Variants in TBC1D14 observed in about 807,000 individuals in gnomAD.
TBC1D14 encodes TBC1 domain family, member 14.
A neutral mutation model predicts 79.0 loss-of-function variants in TBC1D14; 26 were observed. That is an observed-to-expected ratio of 0.33 (90% CI 0.24 to 0.46). The LOEUF (loss-of-function observed/expected upper bound fraction) is 0.46. TBC1D14 is among the 20% of genes least tolerant of loss of function. TBC1D14 has a pLI of 1.00. For synonymous variants in TBC1D14, 394 were observed against 349.9 expected, an observed-to-expected ratio of 1.13 and a Z score of -1.40; for missense variants, 769 against 887.6, an observed-to-expected ratio of 0.87 and a Z score of 1.70.
chr4:7,012,909 A>G (rs1283114822), intron 11 of TBC1D14, among the ~76,000 whole-genome samples: 5 of 152,252 alleles, frequency 3.3e-5, no homozygotes, highest in Non-Finnish European at 4.4e-5. Flanking sequence ...TTGGCACAGT[A>G]TATACTGGCC....
chr4:7,023,134 A>T (rs1490326774), intron 12 of TBC1D14, among the ~76,000 whole-genome samples: 2 of 152,172 alleles, frequency 1.3e-5, no homozygotes, highest in African/African-American at 2.4e-5. Context: ...GACGCCTGTA[A>T]TCCCAGCTAC....
chr4:6,918,377 G>A (rs950588459), intron 1 of TBC1D14, among the ~76,000 whole-genome samples: 2 of 152,162 alleles, frequency 1.3e-5, no homozygotes, highest in Non-Finnish European at 2.9e-5. Context: ...CAGCATTTGC[G>A]TTCTAACCCG....
At chr4:7,005,019 A>G in intron 8 of TBC1D14, 95 bp downstream of exon 8, 1 of 1,162,090 alleles carries the variant, frequency 8.6e-7, no homozygotes, top group Non-Finnish European at 1.3e-6. Context: ...ACTACAGTAG[A>G]GATTGTTGTG....
chr4:6,988,254 AAGCAAC>A (rs1718088675), intron 3 of TBC1D14, among the ~76,000 whole-genome samples: 1 of 152,266 alleles, frequency 6.6e-6, no homozygotes, highest in African/African-American at 2.4e-5. Context: ...CCTTTTCCAC[AAGCAAC>A]CCTCTTAGAG....
chr4:6,923,644 C>A lies in TBC1D14; in HGVS notation c.255C>A (p.His85Gln), dbSNP rs34768850. 3.2e-5 allele frequency: 51 copies of A among 1,613,800 alleles called. No individual in the cohort carries two copies. Among genetic ancestry groups the A allele is most frequent in the Non-Finnish European group, 4.2e-5 (50 of 1,180,032 alleles). The change falls in exon 2 of 14, where the codon CAC (histidine) becomes CAA (glutamine). Residue 85 changes from histidine to glutamine, a missense_variant. Physicochemically the swap from His to Gln is conservative, Grantham distance 24. This residue lies in a region of TBC1D14 where 402 missense variants were observed against 393.2 expected (regional missense o/e 1.02). Coordinates refer to ENST00000409757, the MANE Select transcript of TBC1D14 (RefSeq NM_020773.3). The stretch of plus-strand genomic sequence containing the variant: ...AGCCTGTACCCTGCAGCGCGGTCCA[C>A]GTGAGGAGGAAGCAGTCCGACTCCG... Reference protein sequence around the residue: ...NPEPVPCSAVHVRRKQSDSDL... With the variant: ...NPEPVPCSAVQVRRKQSDSDL...
chr4:6,970,112 G>A (rs191280113), intron 3 of TBC1D14, among the ~76,000 whole-genome samples: 1 of 152,330 alleles, frequency 6.6e-6, no homozygotes, highest in East Asian at 1.9e-4. Context: ...CTTGTGATCA[G>A]GATGGTGACA....
rs1231026014 is a variant in TBC1D14, at chr4:7,025,218, A to G, written c.1972A>G (p.Ile658Val). The change falls in exon 13 of 14, where the codon ATC (isoleucine) becomes GTC (valine). Residue 658 changes from isoleucine to valine, a missense_variant. By Grantham distance (29) the Ile-to-Val change is conservative. Transcript: ENST00000409757. ...DLPAEELFAS[I>V]ATIQMQSRNK... Reference sequence around the variant, plus strand: ...GCCCGCCGAGGAGCTGTTTGCCTCCATCGCCACGATCCAGATGCAGAGCCG... The same window carrying G: ...GCCCGCCGAGGAGCTGTTTGCCTCCGTCGCCACGATCCAGATGCAGAGCCG... 1 of 1,614,252 alleles carries G rather than the reference A, an allele frequency of 6.2e-7. No individual in the cohort carries two copies. Among genetic ancestry groups the G allele is most frequent in the Non-Finnish European group, 8.5e-7 (1 of 1,180,048 alleles).
chr4:6,988,881 CTTTCTTTT>C (rs1394042565), intron 3 of TBC1D14, among the ~76,000 whole-genome samples: 57 of 93,556 alleles, frequency 6.1e-4, no homozygotes, highest in African/African-American at 2.0e-3. Context: ...TTCTTTCTTT[CTTTCTTTT>C]TTTTTTTTTT....
chr4:6,985,095 T>C (rs1244556550), intron 3 of TBC1D14, among the ~76,000 whole-genome samples: 3 of 152,258 alleles, frequency 2.0e-5, no homozygotes, highest in Non-Finnish European at 4.4e-5. Flanking sequence ...TACTTTATTG[T>C]GCCTCTATTT....
chr4:6,929,121 G>T (rs1268007230), intron 2 of TBC1D14, among the ~76,000 whole-genome samples: 1 of 152,194 alleles, frequency 6.6e-6, no homozygotes, highest in Non-Finnish European at 1.5e-5. Context: ...CTTGTATGTT[G>T]CTGTGATCCT....
Position 7,014,508 on chromosome 4 carries a change from G to A in TBC1D14, c.1708G>A (p.Ala570Thr), listed in dbSNP as rs768844987. 1 of 1,614,032 alleles carries A rather than the reference G, an allele frequency of 6.2e-7. No homozygotes were observed. Among genetic ancestry groups the A allele is most frequent in the Admixed American group, 1.7e-5 (1 of 60,022 alleles). ...TGAAGAAAATTTGCCGAAATTATTT[G>A]CGCATTTCAAGAAGAACAACCTAAC... The part of the protein sequence containing the change: ...FFEENLPKLF[A>T]HFKKNNLTPD... The change falls in exon 12 of 14, where the codon GCG (alanine) becomes ACG (threonine). Residue 570 changes from alanine to threonine, a missense_variant. Physicochemically the swap from Ala to Thr is moderately conservative, Grantham distance 58. Transcript: ENST00000409757.
intron 1 of TBC1D14, among the ~76,000 whole-genome samples, chr4:6,914,980 G>C (rs1306634848): frequency 6.6e-6 from 1 of 152,096 alleles, no homozygotes; most frequent in African/African-American, 2.4e-5. Flanking sequence ...CGGAGGTTGT[G>C]GTGAGCCCAG....
At chr4:6,916,828 C>T (rs1256176929) in intron 1 of TBC1D14, among the ~76,000 whole-genome samples, 5 of 152,236 alleles carry the variant, frequency 3.3e-5, no homozygotes, top group Non-Finnish European at 7.3e-5. Flanking sequence ...TGTTCAGTGC[C>T]TCCCGTGGCA....
intron 3 of TBC1D14, among the ~76,000 whole-genome samples, chr4:6,989,822 G>A (rs1430509199): frequency 6.6e-6 from 1 of 152,074 alleles, no homozygotes; most frequent in African/African-American, 2.4e-5. Context: ...TTCAACCTTA[G>A]CTGGGTCATC....
rs145457665 is a variant in TBC1D14 at position 7,016,790 on chromosome 4, T to C, written c.1757+2233T>C. On this transcript the variant is annotated intron_variant, in intron 12 of 13. Transcript: ENST00000409757. Reference sequence around the variant, plus strand: ...TTCGTTGCCTTCGTGATCCACTGGCTGTTGTCTGGGTCATGCCTGGCAGTG... The same window carrying C: ...TTCGTTGCCTTCGTGATCCACTGGCCGTTGTCTGGGTCATGCCTGGCAGTG... Among the ~76,000 whole-genome samples the C allele has an allele frequency of 6.8e-3, 1,034 of 152,332 alleles. 30 individuals are homozygous for C. Among genetic ancestry groups the C allele is most frequent in the Non-Finnish European group, 4.6e-3 (310 of 68,038 alleles).
At chr4:6,912,409 AAAAT>A (rs1262558995) in intron 1 of TBC1D14, among the ~76,000 whole-genome samples, 11 of 151,668 alleles carry the variant, frequency 7.3e-5, no homozygotes, top group African/African-American at 2.7e-4. Flanking sequence ...AAAAAATAAA[AAAAT>A]AAAAAATAAA....
At chr4:6,980,514 C>G (rs959882218) in intron 3 of TBC1D14, among the ~76,000 whole-genome samples, 1 of 151,926 alleles carries the variant, frequency 6.6e-6, no homozygotes, top group African/African-American at 2.4e-5. Flanking sequence ...CAAAAGGAAG[C>G]AAGTAATAAG....
intron 1 of TBC1D14, among the ~76,000 whole-genome samples, chr4:6,913,205 G>A (rs928945475): frequency 6.6e-6 from 1 of 152,086 alleles, no homozygotes; most frequent in Non-Finnish European, 1.5e-5. Context: ...ATATTGGCCA[G>A]GCTGGTTTTG....
intron 2 of TBC1D14, among the ~76,000 whole-genome samples, chr4:6,934,229 G>C (rs1386533927): frequency 6.6e-6 from 1 of 151,922 alleles, no homozygotes; most frequent in Non-Finnish European, 1.5e-5. Context: ...AGGCCTGCCG[G>C]CACCAGGAGA....
Sources: gnomAD v4.1 joint callset for allele counts (sites outside exome capture counted in the v4.1 genomes callset) on GRCh38, gnomAD v4.1.1 for gene constraint, gnomAD v4.1.1 regional missense constraint, MANE v1.5 for transcripts, NCBI Gene and HGNC (gene_info 2026-07-23, HGNC 2026-07-21) for gene names.